DENND2B: variants seen among roughly 807,000 people sequenced by gnomAD.
DENND2B encodes DENN domain containing 2B.
Under a neutral mutation model 116.0 loss-of-function variants are expected in DENND2B, and 32 were observed. That is an observed-to-expected ratio of 0.28 (90% CI 0.21 to 0.37). The LOEUF is 0.37. Ranked by LOEUF, DENND2B falls within the 10% of genes least tolerant of loss-of-function variation. DENND2B has a pLI of 1.00. For synonymous variants in DENND2B, 588 were observed against 583.9 expected (o/e 1.01, Z -0.10); for missense variants, 1,276 against 1,477.7 (o/e 0.86, Z 2.24).
At chr11:8,782,886 C>CAAAAA (rs66930048) in intron 1 of DENND2B, among the ~76,000 whole-genome samples, 1 of 98,880 alleles carries the variant, frequency 1.0e-5, no homozygotes, top group Non-Finnish European at 2.0e-5. Context: ...GACTCTGTCT[C>CAAAAA]AAAAAAAAAA....
At chr11:8,762,348 T>C (rs577717629) in intron 1 of DENND2B, among the ~76,000 whole-genome samples, 95 of 152,234 alleles carry the variant, frequency 6.2e-4, no homozygotes, top group African/African-American at 2.2e-3. Context: ...CTGTACCCTG[T>C]AAGTAGAACT....
At chr11:8,801,640 T>G (rs7129667) in intron 1 of DENND2B, among the ~76,000 whole-genome samples, 82,226 of 147,704 alleles carry the variant, frequency 0.56, 23,100 homozygotes, top group Middle Eastern at 0.73. Context: ...TCGTGCCATT[T>G]CACTCCAGCC....
rs2133927808 is a variant in DENND2B, at chr11:8,730,710, C to A, written c.580G>T (p.Glu194Ter). ...GGGCAGCCCTCACTGGCCGCCCACTCGCTCCCAGAGCCCTCCCGCTTCTCT... is the reference window on the plus strand; with the variant it reads ...GGGCAGCCCTCACTGGCCGCCCACTAGCTCCCAGAGCCCTCCCGCTTCTCT... ...CGEKREGSGS[E>*]WAASEGCPSL... The change falls in exon 3 of 20, where the codon GAG (glutamate) becomes TAG (stop). Residue 194 changes from glutamate (E) to a stop codon, truncating the protein, a stop_gained. Coordinates refer to ENST00000313726, the MANE Select transcript of DENND2B (RefSeq NM_213618.2). LOFTEE classifies it high-confidence loss of function. The surrounding 1 kb of genome is among the most constrained non-coding windows in gnomAD (Gnocchi z 4.1). The A allele has an allele frequency of 1.9e-6, 3 of 1,612,042 alleles. No homozygotes were observed. Among genetic ancestry groups the A allele is most frequent in the Non-Finnish European group, 2.5e-6 (3 of 1,179,806 alleles).
At chr11:8,758,713 C>A (rs903068457) in intron 1 of DENND2B, among the ~76,000 whole-genome samples, 1 of 152,220 alleles carries the variant, frequency 6.6e-6, no homozygotes, top group Admixed American at 6.5e-5. Context: ...TGGGCCAGAG[C>A]TGAGCACAAG....
chr11:8,702,513 T>G lies in DENND2B; in HGVS notation c.2720+59A>C. 1 of 1,600,956 alleles carries G rather than the reference T, an allele frequency of 6.2e-7. No homozygotes were observed. The highest frequency in any genetic ancestry group is 8.5e-7 in the Non-Finnish European group (1 of 1,178,700). ...GCTTAGGCTCCTGAACACTTGCTGATTCGCTTGTGGGTGTGCCTTCCCCCC... is the reference window on the plus strand; with the variant it reads ...GCTTAGGCTCCTGAACACTTGCTGAGTCGCTTGTGGGTGTGCCTTCCCCCC... On this transcript the variant is annotated intron_variant, in intron 14 of 19. Coordinates refer to ENST00000313726, the MANE Select transcript of DENND2B (RefSeq NM_213618.2). This position sits in a 1 kb window ranked among gnomAD's most constrained non-coding sequence, Gnocchi z 4.6.
intron 2 of DENND2B, among the ~76,000 whole-genome samples, chr11:8,737,681 C>CTT (rs1379563778): frequency 3.3e-5 from 5 of 151,560 alleles, no homozygotes; most frequent in African/African-American, 4.9e-5. Context: ...CTTTCTCTTT[C>CTT]TCTCTCTCTC....
intron 2 of DENND2B, 136 bp from the exon 3 acceptor site, chr11:8,731,345 T>G: frequency 1.2e-6 from 1 of 846,248 alleles, no homozygotes. Flanking sequence ...TCTATTCAAG[T>G]AATATACCTT....
intron 1 of DENND2B, among the ~76,000 whole-genome samples, chr11:8,781,129 A>G (rs990608866): frequency 1.1e-4 from 16 of 152,206 alleles, no homozygotes; most frequent in Admixed American, 6.5e-5. Flanking sequence ...AGTTGGAAGG[A>G]TGGAGGGACT....
chr11:8,882,567 C>T (rs1020607852), intron 1 of DENND2B, among the ~76,000 whole-genome samples: 8 of 152,304 alleles, frequency 5.3e-5, no homozygotes, highest in South Asian at 2.1e-4. Flanking sequence ...TTCAGGTGAA[C>T]ATACAGTATA....
rs1234469658 is a variant in DENND2B, at chr11:8,890,646, T to G, written c.-255-9537A>C. Among the ~76,000 whole-genome samples the G allele has an allele frequency of 3.3e-5, 5 of 152,080 alleles. No homozygotes were observed. In the East Asian group the frequency reaches 5.8e-4, roughly 18 times the overall value. ...AACTGGAAGAAAGGGTATCAGTGAT[T>G]GAAGATCAAATTAATGAAATGAAGT... On this transcript the variant is annotated intron_variant, in intron 1 of 22. Coordinates refer to the DENND2B transcript ENST00000534127.
At chr11:8,716,147 T>A (rs1352201836) in intron 5 of DENND2B, among the ~76,000 whole-genome samples, 1 of 152,182 alleles carries the variant, frequency 6.6e-6, no homozygotes, top group Non-Finnish European at 1.5e-5. Flanking sequence ...GGACAAGAAT[T>A]ACTGGGCCTG....
intron 2 of DENND2B, among the ~76,000 whole-genome samples, chr11:8,745,382 A>G (rs1159058785): frequency 1.3e-5 from 2 of 152,192 alleles, no homozygotes; most frequent in African/African-American, 2.4e-5. Context: ...TGGTGACAAG[A>G]TTCCATTGTA....
intron 4 of DENND2B, among the ~76,000 whole-genome samples, chr11:8,822,851 A>G (rs2061817915): frequency 6.6e-6 from 1 of 152,250 alleles, no homozygotes; most frequent in Non-Finnish European, 1.5e-5. Context: ...CTTTCTTTGT[A>G]CATAGCAAGT....
intron 1 of DENND2B, among the ~76,000 whole-genome samples, chr11:8,765,464 G>A (rs899147424): frequency 2.0e-4 from 30 of 152,208 alleles, no homozygotes; most frequent in African/African-American, 6.5e-4. Context: ...ACAACAGACT[G>A]CATTACATTC....
intron 1 of DENND2B, among the ~76,000 whole-genome samples, chr11:8,795,522 A>G (rs946633155): frequency 1.3e-5 from 2 of 152,164 alleles, no homozygotes; most frequent in Non-Finnish European, 2.9e-5. Context: ...TCTGAAAACC[A>G]CTGCTCTACG....
intron 1 of DENND2B, among the ~76,000 whole-genome samples, chr11:8,901,094 G>T (rs1212704700): frequency 6.6e-6 from 1 of 151,608 alleles, no homozygotes; most frequent in Non-Finnish European, 1.5e-5. Context: ...TGGTTTCATT[G>T]ATTTTTCTCT....
chr11:8,698,638 A>T (rs940695851), intron 16 of DENND2B, among the ~76,000 whole-genome samples: 1 of 152,218 alleles, frequency 6.6e-6, no homozygotes, highest in African/African-American at 2.4e-5. Flanking sequence ...AAGAATTTAG[A>T]GGCCTAAGAC....
chr11:8,703,901 A>T (rs1565644927), intron 13 of DENND2B, among the ~76,000 whole-genome samples: 1 of 152,138 alleles, frequency 6.6e-6, no homozygotes, highest in Non-Finnish European at 1.5e-5. Context: ...GTGAACGTGG[A>T]CTCACAGAAA....
At chr11:8,695,133 A>C (rs1252059865) in intron 19 of DENND2B, among the ~76,000 whole-genome samples, 1 of 152,206 alleles carries the variant, frequency 6.6e-6, no homozygotes, top group Non-Finnish European at 1.5e-5. Context: ...AAGTAATCTA[A>C]AGATGATCTA....
Sources: gnomAD v4.1 joint callset for allele counts (sites outside exome capture counted in the v4.1 genomes callset) on GRCh38, gnomAD v4.1.1 for gene constraint, Gnocchi (gnomAD v3.1) non-coding constraint, MANE v1.5 for transcripts, NCBI Gene and HGNC (gene_info 2026-07-23, HGNC 2026-07-21) for gene names.